The following SPATA31H1 variants were observed in gnomAD, a reference collection of about 807,000 sequenced individuals.
SPATA31H1 encodes spermatogenesis-associated protein 31H1.
the SPATA31H1 span, among the ~76,000 whole-genome samples, chr2:27,544,446 G>A: frequency 6.6e-6 from 1 of 151,308 alleles, no homozygotes; most frequent in Non-Finnish European, 1.5e-5. Flanking sequence ...CTTGCAAAAA[G>A]TAGAATCATA....
At chr2:27,549,741 G>A in the SPATA31H1 span, among the ~76,000 whole-genome samples, 9 of 151,832 alleles carry the variant, frequency 5.9e-5, no homozygotes, top group East Asian at 1.9e-4. Context: ...CCTGGGAGGC[G>A]AAGGTTGCAG....
At chr2:27,559,860 A>T in the SPATA31H1 span, among the ~76,000 whole-genome samples, 2 of 151,314 alleles carry the variant, frequency 1.3e-5, no homozygotes, top group East Asian at 1.9e-4. Flanking sequence ...TATTTTATTT[A>T]TTTTTTTTCT....
At chr2:27,559,677 T>C in the SPATA31H1 span, among the ~76,000 whole-genome samples, 1 of 152,278 alleles carries the variant, frequency 6.6e-6, no homozygotes, top group South Asian at 2.1e-4. Context: ...CTCCTCAGAT[T>C]TAAATATATG....
chr2:27,539,649 GC>G, the SPATA31H1 span, among the ~76,000 whole-genome samples: 2 of 109,592 alleles, frequency 1.8e-5, no homozygotes, highest in African/African-American at 3.6e-5. Context: ...CCCAGACGGG[GC>G]CGTGGCCGGG....
the SPATA31H1 span, chr2:27,581,508 C>T: frequency 1.3e-6 from 2 of 1,581,712 alleles, no homozygotes; most frequent in Non-Finnish European, 8.7e-7. Context: ...TCAGAGAAGA[C>T]ATCACAGTCC....
the SPATA31H1 span, chr2:27,581,854 C>T: frequency 6.2e-7 from 1 of 1,611,328 alleles, no homozygotes; most frequent in Admixed American, 1.7e-5. Flanking sequence ...CATTGCAGTC[C>T]CTCTGAGAGA....
chr2:27,558,762 G>A, the SPATA31H1 span, among the ~76,000 whole-genome samples: 2 of 93,374 alleles, frequency 2.1e-5, no homozygotes, highest in Non-Finnish European at 4.4e-5. Context: ...CCAGTCAGGC[G>A]TGGCGGTGCG....
the SPATA31H1 span, chr2:27,582,586 G>T: frequency 2.7e-6 from 4 of 1,490,332 alleles, no homozygotes; most frequent in Non-Finnish European, 3.6e-6. Flanking sequence ...CCCTTTCCAG[G>T]CTTCTTTCCT....
At chr2:27,539,101 C>CTTTTTTTTTTTTTTTTTTTTTTTTTTTT in the SPATA31H1 span, among the ~76,000 whole-genome samples, 1 of 94,642 alleles carries the variant, frequency 1.1e-5, no homozygotes, top group Non-Finnish European at 2.1e-5. Flanking sequence ...TCATCATTTT[C>CTTTTTTTTTTTTTTTTTTTTTTTTTTTT]TTTTTTTTTT....
the SPATA31H1 span, chr2:27,571,167 T>C: frequency 1.0e-5 from 4 of 398,218 alleles, no homozygotes; most frequent in East Asian, 1.1e-4. Flanking sequence ...AGAGCCAGAA[T>C]TGGAAGATGT....
chr2:27,558,736 CA>C, the SPATA31H1 span, among the ~76,000 whole-genome samples: 1 of 69,772 alleles, frequency 1.4e-5, no homozygotes. Context: ...CCGTCTCCAC[CA>C]AAAAAAACCG....
the SPATA31H1 span, among the ~76,000 whole-genome samples, chr2:27,546,933 C>T: frequency 5.1e-4 from 78 of 152,052 alleles, 3 homozygotes; most frequent in African/African-American, 1.6e-3. Flanking sequence ...GACTCTTTCT[C>T]ACCACTTCAC....
chr2:27,571,054 G>T, the SPATA31H1 span: 119,517 of 398,192 alleles, frequency 0.3, 19,754 homozygotes, highest in East Asian at 0.56. Context: ...AAAGGTTTCA[G>T]ATCTGAAAAG....
chr2:27,553,651 G>A, the SPATA31H1 span, among the ~76,000 whole-genome samples: 1 of 152,090 alleles, frequency 6.6e-6, no homozygotes, highest in African/African-American at 2.4e-5. Context: ...GCCGGGCATG[G>A]TGGCTTGTGC....
the SPATA31H1 span, among the ~76,000 whole-genome samples, chr2:27,545,433 A>G: frequency 5.3e-5 from 8 of 151,968 alleles, no homozygotes; most frequent in Admixed American, 5.2e-4. Context: ...CCAATAGGAG[A>G]GGAATTGCTT....
chr2:27,566,120 C>G, the SPATA31H1 span: 2 of 717,426 alleles, frequency 2.8e-6, no homozygotes, highest in East Asian at 2.7e-5. Context: ...CTGTCTTCAG[C>G]CTATTCTACT....
the SPATA31H1 span, chr2:27,579,384 C>G: frequency 1.3e-4 from 211 of 1,614,226 alleles, 1 homozygote; most frequent in Middle Eastern, 6.6e-4. Flanking sequence ...ACTGATGGAA[C>G]CTTCCCAGAG....
At chr2:27,553,409 T>C in the SPATA31H1 span, among the ~76,000 whole-genome samples, 2 of 152,090 alleles carry the variant, frequency 1.3e-5, no homozygotes, top group East Asian at 1.9e-4. Flanking sequence ...ATTAAGTCCA[T>C]GTTTCACACA....
At chr2:27,556,622 T>A in the SPATA31H1 span, among the ~76,000 whole-genome samples, 1 of 151,270 alleles carries the variant, frequency 6.6e-6, no homozygotes, top group Non-Finnish European at 1.5e-5. Flanking sequence ...TTTATTTTTT[T>A]TCAGTTTTTA....
Sources: gnomAD v4.1 joint callset for allele counts (sites outside exome capture counted in the v4.1 genomes callset) on GRCh38, gnomAD v4.1.1 for gene constraint, MANE v1.5 for transcripts, NCBI Gene and HGNC (gene_info 2026-07-23, HGNC 2026-07-21) for gene names.